Variants in ZNF35 observed in about 807,000 individuals in gnomAD.
ZNF35 encodes the protein zinc finger protein 35 (clone HF.10).
Under a neutral mutation model 45.9 loss-of-function variants are expected in ZNF35, and 31 were observed. That is an observed-to-expected ratio of 0.68 (90% confidence interval 0.51 to 0.91). The LOEUF (loss-of-function observed/expected upper bound fraction) is 0.91, where lower values mean the gene tolerates loss of function less well. Ranked by LOEUF, ZNF35 falls within the 40% of genes least tolerant of loss-of-function variation. ZNF35 has a pLI of 0.00. For synonymous variants in ZNF35, 205 were observed against 220.2 expected (o/e 0.93, Z 0.61); for missense variants, 515 against 625.4 (o/e 0.82, Z 1.88).
chr3:44,659,450 G>T lies in ZNF35; in HGVS notation c.1087G>T (p.Ala363Ser). 17 of 1,613,762 alleles carry T rather than the reference G, an allele frequency of 1.1e-5. No individual in the cohort carries two copies. The highest frequency in any genetic ancestry group is 1.4e-5 in the Non-Finnish European group (17 of 1,179,842). The change falls in exon 4 of 4, where the codon GCC (alanine) becomes TCC (serine). Residue 363 changes from alanine to serine, a missense_variant. Ala to Ser is a moderately conservative substitution (Grantham distance 99, BLOSUM62 1). Coordinates refer to ENST00000396056, the MANE Select transcript of ZNF35 (RefSeq NM_003420.4). The surrounding 1 kb of genome is among the most constrained non-coding windows in gnomAD (Gnocchi z 4.3). The part of the protein sequence containing the change: ...QRIHTGEKPF[A>S]CNDCGKAFTQ... Reference sequence around the variant, plus strand: ...GATCCACACTGGGGAGAAGCCCTTTGCCTGTAACGACTGTGGCAAAGCCTT... The same window carrying T: ...GATCCACACTGGGGAGAAGCCCTTTTCCTGTAACGACTGTGGCAAAGCCTT...
chr3:44,652,043 T>A (rs1178833231), intron 2 of ZNF35, among the ~76,000 whole-genome samples: 1 of 152,046 alleles, frequency 6.6e-6, no homozygotes. Context: ...TCTGTGTTCT[T>A]TGTTTGTTTG....
In ZNF35 at chr3:44,659,696, C is replaced by T. The variant is rs1703368781; in HGVS notation, c.1333C>T (p.Pro445Ser). 2.5e-6 allele frequency: 4 copies of T among 1,613,948 alleles called. No homozygotes were observed. Among genetic ancestry groups the T allele is most frequent in the Non-Finnish European group, 3.4e-6 (4 of 1,180,028 alleles). ...VHQRIHSGDL[P>S]YVCNECGKAF... ...CCAGAGAATTCACAGTGGAGATCTT[C>T]CTTACGTGTGTAATGAATGTGGGAA... The change falls in exon 4 of 4, where the codon CCT becomes TCT. Residue 445 changes from proline (P) to serine (S), a missense_variant. Around this residue, in one of 3 missense-constraint regions of ZNF35, gnomAD observed 232 missense variants for 304.6 expected, o/e 0.76. Coordinates refer to ENST00000396056, the MANE Select transcript of ZNF35 (RefSeq NM_003420.4). The surrounding 1 kb of genome is among the most constrained non-coding windows in gnomAD (Gnocchi z 4.3).
At chr3:44,658,512 T>C (rs1168268527) in intron 3 of ZNF35, among the ~76,000 whole-genome samples, 189 bp from the exon 4 acceptor site, 1 of 151,990 alleles carries the variant, frequency 6.6e-6, no homozygotes, top group Non-Finnish European at 1.5e-5. Context: ...CTGCCATAGG[T>C]AGAGGGGAGG....
rs1703196669 is a variant in ZNF35 at position 44,651,225 on chromosome 3, A to C, written c.158A>C (p.Gln53Pro). ...IKVWAPVQGL[Q>P]TGLDGSEEEE... ...GTCTGGGCCCCAGTGCAGGGTCTTC[A>C]GACAGGCCTTGATGGATCAGAAGAG... The change falls in exon 2 of 4, where the codon CAG (glutamine) becomes CCG (proline). Residue 53 changes from glutamine to proline, a missense_variant. By Grantham distance (76) the Gln-to-Pro change is moderately conservative (BLOSUM62 -1). This residue lies in a region of ZNF35 where 275 missense variants were observed against 295.7 expected (regional missense o/e 0.93). Transcript: ENST00000396056. 6.2e-7 allele frequency: 1 copy of C among 1,613,978 alleles called. No homozygotes were observed. The highest frequency in any genetic ancestry group is 1.3e-5 in the African/African-American group (1 of 74,898).
chr3:44,648,074 G>A (rs1449397186), upstream of ZNF35: 2 of 152,060 alleles, frequency 1.3e-5, no homozygotes, highest in Non-Finnish European at 2.9e-5. Flanking sequence ...CAATGGCAAC[G>A]AAAACCCAAA....
rs1386334173 is a variant in ZNF35, at chr3:44,660,214, T to C, written c.*267T>C. 3.1e-6 allele frequency: 1 copy of C among 319,332 alleles called. No individual in the cohort carries two copies. The highest frequency in any genetic ancestry group is 2.1e-5 in the African/African-American group (1 of 46,982). 19.8% of individuals were successfully genotyped at this position (319,332 alleles called of 1,614,324 possible). On this transcript the variant is annotated 3_prime_UTR_variant, in exon 4 of 4. Transcript: ENST00000396056. ...AAGTGGAATGTGGCTTTCCTAGGAATGGGTCGTACAAAGCTAAGTGGTAAT... is the reference window on the plus strand; with the variant it reads ...AAGTGGAATGTGGCTTTCCTAGGAACGGGTCGTACAAAGCTAAGTGGTAAT...
rs190276675 is a variant in ZNF35 at position 44,658,442 on chromosome 3, G to A, written c.338-259G>A. Among the ~76,000 whole-genome samples the A allele has an allele frequency of 2.0e-4, 31 of 152,318 alleles. No homozygotes were observed. The East Asian group carries it at 2.9e-3, about 14-fold the overall frequency. On this transcript the variant is annotated intron_variant, in intron 3 of 3. Coordinates refer to ENST00000396056, the MANE Select transcript of ZNF35 (RefSeq NM_003420.4). ...TCCCTGGCATGAGGCAGCGGGCAGC[G>A]GGGTTAAGTGTCTAATGGAGGCAAG...
intron 3 of ZNF35, among the ~76,000 whole-genome samples, chr3:44,655,115 T>C (rs1458840605): frequency 2.6e-5 from 4 of 152,120 alleles, no homozygotes; most frequent in Non-Finnish European, 5.9e-5. Context: ...GCCTGGGCAA[T>C]AGAGCAAGAC....
In ZNF35 at chr3:44,652,719, G is replaced by A; in HGVS notation, c.337+18G>A. ...CTTTCTAGGTATGGTTCAGTTCCCT[G>A]ATTCTGAATCTGACCATTGGGGTTT... On this transcript the variant is annotated intron_variant, in intron 3 of 3. Transcript: ENST00000396056. The A allele has an allele frequency of 2.6e-6, 4 of 1,538,444 alleles. No homozygotes were observed. Among genetic ancestry groups the A allele is most frequent in the Non-Finnish European group, 3.5e-6 (4 of 1,144,174 alleles).
chr3:44,654,071 C>G (rs1459363952), intron 3 of ZNF35, among the ~76,000 whole-genome samples: 1 of 152,198 alleles, frequency 6.6e-6, no homozygotes, highest in Non-Finnish European at 1.5e-5. Flanking sequence ...TCCATTCTCT[C>G]TGGTGCATTC....
At chr3:44,652,510 C>T in intron 2 of ZNF35, 47 bp from the exon 3 acceptor site, 1 of 1,456,466 alleles carries the variant, frequency 6.9e-7, no homozygotes. Flanking sequence ...AACCACACTA[C>T]CCCCTACCAC....
intron 1 of ZNF35, among the ~76,000 whole-genome samples, chr3:44,649,730 C>G (rs1181598869): frequency 6.6e-6 from 1 of 151,728 alleles, no homozygotes; most frequent in Non-Finnish European, 1.5e-5. Flanking sequence ...AAAATATTTA[C>G]AAAGAAAAAC....
At chr3:44,649,256 T>C (rs1703126038) in intron 1 of ZNF35, among the ~76,000 whole-genome samples, 2 of 152,340 alleles carry the variant, frequency 1.3e-5, no homozygotes, top group South Asian at 4.1e-4. Flanking sequence ...AAGGTGGAAC[T>C]AGTCTTAAGG....
At chr3:44,646,762 A>T (rs200075083), upstream of ZNF35, 1 of 461,500 alleles carries the variant, frequency 2.2e-6, no homozygotes, top group East Asian at 3.5e-5. Context: ...ATAATACTAG[A>T]GAGCCGTTAG....
Position 44,649,678 on chromosome 3 carries a change from A to G in ZNF35, c.-128+844A>G, listed in dbSNP as rs1220638328. Among the ~76,000 whole-genome samples the G allele has an allele frequency of 7.9e-5, 12 of 152,232 alleles. 1 individual carries two copies. The East Asian group carries it at 2.3e-3, about 29-fold the overall frequency. Reference sequence around the variant, plus strand: ...ATATCAACCAGCAAATCCTTGAACCAGTAATTCTCTGATTATTCTAAAGGA... The same window carrying G: ...ATATCAACCAGCAAATCCTTGAACCGGTAATTCTCTGATTATTCTAAAGGA... On this transcript the variant is annotated intron_variant, in intron 1 of 3. Transcript: ENST00000396056.
intron 3 of ZNF35, among the ~76,000 whole-genome samples, chr3:44,656,673 G>GCCA (rs1703312812): frequency 6.8e-6 from 1 of 146,068 alleles, no homozygotes; most frequent in Admixed American, 6.9e-5. Flanking sequence ...GATTACATGA[G>GCCA]CCACTGCACC....
upstream of ZNF35, chr3:44,646,646 C>G: frequency 1.5e-6 from 1 of 679,448 alleles, no homozygotes; most frequent in African/African-American, 1.8e-5. Flanking sequence ...TTCAAGCTGT[C>G]TTGAGTCTGC....
chr3:44,650,563 T>C (rs561197338), intron 1 of ZNF35, among the ~76,000 whole-genome samples: 11 of 152,364 alleles, frequency 7.2e-5, no homozygotes, highest in Non-Finnish European at 1.6e-4. Flanking sequence ...ATTAGTAGTA[T>C]GGTTGGAGAT....
intron 2 of ZNF35, among the ~76,000 whole-genome samples, 197 bp from the exon 3 acceptor site, chr3:44,652,360 A>G (rs1437468210): frequency 2.0e-5 from 3 of 152,196 alleles, no homozygotes; most frequent in Non-Finnish European, 4.4e-5. Context: ...AATCAAAGTA[A>G]TAAGGAAGAA....
Sources: gnomAD v4.1 joint callset for allele counts (sites outside exome capture counted in the v4.1 genomes callset) on GRCh38, gnomAD v4.1.1 for gene constraint, gnomAD v4.1.1 regional missense constraint, Gnocchi (gnomAD v3.1) non-coding constraint, MANE v1.5 for transcripts, NCBI Gene and HGNC (gene_info 2026-07-23, HGNC 2026-07-21) for gene names.